NT5DC3: variants seen among roughly 807,000 people sequenced by gnomAD.
NT5DC3 encodes the protein 5'-nucleotidase domain-containing protein 3.
NT5DC3 carries 42 observed loss-of-function variants against 67.8 expected under a neutral mutation model. That is an observed-to-expected ratio of 0.62 (90% CI 0.48 to 0.80). The LOEUF is 0.80. Ranked by LOEUF, NT5DC3 falls within the 30% of genes least tolerant of loss-of-function variation. NT5DC3 has a pLI of 0.00. For missense variants in NT5DC3, 570 were observed against 696.4 expected (o/e 0.82, Z 2.04); for synonymous variants, 237 against 255.6 (o/e 0.93, Z 0.69).
chr12:103,746,490 C>G, the NT5DC3 span: 1 of 1,015,928 alleles, frequency 9.8e-7, no homozygotes, highest in Non-Finnish European at 1.5e-6. Context: ...TACAGGGGCA[C>G]TTATGAACAC....
At chr12:103,762,200 C>G in the NT5DC3 span, 6 of 1,584,282 alleles carry the variant, frequency 3.8e-6, no homozygotes, top group Non-Finnish European at 5.1e-6. Context: ...CAGAATGCCT[C>G]GGGCCACCAA....
Position 103,777,475 on chromosome 12 carries a change from C to T in NT5DC3, c.*354G>A. 4.1e-6 allele frequency: 1 copy of T among 243,642 alleles called. No individual in the cohort carries two copies. Among genetic ancestry groups the T allele is most frequent in the Non-Finnish European group, 7.9e-6 (1 of 125,970 alleles). The allele number at this position is 243,642 out of a possible 1,614,324, so 15.1% of individuals were successfully genotyped here. A position where few individuals can be genotyped will look rare whatever the true frequency, so the allele number is the denominator to read the frequency against. ...GCCCGTAAATGTTCAGGAAATGTTC[C>T]ATGGAGGAGTCAAGAACCGTTTCAA... On this transcript the variant is annotated 3_prime_UTR_variant, in exon 14 of 14. Coordinates refer to ENST00000392876, the MANE Select transcript of NT5DC3 (RefSeq NM_001031701.3).
At chr12:103,759,262 C>A in the NT5DC3 span, 1 of 1,614,076 alleles carries the variant, frequency 6.2e-7, no homozygotes, top group Non-Finnish European at 8.5e-7. Flanking sequence ...CAGCCAGGAC[C>A]CACTCCAACC....
intron 2 of NT5DC3, among the ~76,000 whole-genome samples, chr12:103,807,806 G>A (rs1013402930): frequency 6.6e-6 from 1 of 152,116 alleles, no homozygotes; most frequent in Non-Finnish European, 1.5e-5. Flanking sequence ...CACGAGATCT[G>A]ATGGTTTTAT....
intron 9 of NT5DC3, among the ~76,000 whole-genome samples, chr12:103,791,909 C>T (rs981386242): frequency 6.6e-6 from 1 of 152,210 alleles, no homozygotes; most frequent in Non-Finnish European, 1.5e-5. Context: ...CATCACCCTA[C>T]CCCCACAAAC....
downstream of NT5DC3, chr12:103,766,520 T>A: frequency 1.6e-6 from 1 of 629,100 alleles, no homozygotes; most frequent in Non-Finnish European, 2.7e-6. Flanking sequence ...GCCCACCCAG[T>A]ACAGCTTCCT....
At chr12:103,759,962 A>T in the NT5DC3 span, among the ~76,000 whole-genome samples, 2 of 152,254 alleles carry the variant, frequency 1.3e-5, no homozygotes, top group East Asian at 3.8e-4. Flanking sequence ...AATTGATCAA[A>T]TAAAGAGCTT....
At position 103,777,724 on chromosome 12, in the gene NT5DC3, G is replaced by T; in HGVS notation, c.*105C>A. The T allele has an allele frequency of 8.0e-7, 1 of 1,256,570 alleles. No homozygotes were observed. The highest frequency in any genetic ancestry group is 1.1e-6 in the Non-Finnish European group (1 of 899,766). The allele number at this position is 1,256,570 out of a possible 1,614,324, so 77.8% of individuals were successfully genotyped here. A position where few individuals can be genotyped will look rare whatever the true frequency, so the allele number is the denominator to read the frequency against. On this transcript the variant is annotated 3_prime_UTR_variant, in exon 14 of 14. Coordinates refer to ENST00000392876, the MANE Select transcript of NT5DC3 (RefSeq NM_001031701.3). Reference sequence around the variant, plus strand: ...TAAGGTACAAAATAAATATCAAAAGGCTTATCTGTATCTTTTCCAAAAGCA... The same window carrying T: ...TAAGGTACAAAATAAATATCAAAAGTCTTATCTGTATCTTTTCCAAAAGCA...
downstream of NT5DC3, among the ~76,000 whole-genome samples, chr12:103,771,835 T>C (rs1039964048): frequency 6.6e-6 from 1 of 152,186 alleles, no homozygotes; most frequent in Non-Finnish European, 1.5e-5. Flanking sequence ...AGCCCATATT[T>C]CAGGCAGAGG....
chr12:103,767,548 CTGTT>C (rs1212301893), downstream of NT5DC3, among the ~76,000 whole-genome samples: 3 of 152,222 alleles, frequency 2.0e-5, no homozygotes, highest in East Asian at 1.9e-4. Flanking sequence ...TCATGGTATG[CTGTT>C]TGTTAGTTAT....
the NT5DC3 span, among the ~76,000 whole-genome samples, chr12:103,752,806 A>G: frequency 6.6e-6 from 1 of 152,248 alleles, no homozygotes; most frequent in East Asian, 1.9e-4. Flanking sequence ...GCAGTATGCT[A>G]CCACATTTAG....
At chr12:103,750,942 A>G in the NT5DC3 span, among the ~76,000 whole-genome samples, 2 of 152,206 alleles carry the variant, frequency 1.3e-5, no homozygotes, top group Non-Finnish European at 2.9e-5. Flanking sequence ...AATACAAAAA[A>G]TCAGCCGGTT....
At chr12:103,835,086 C>G (rs527960413) in intron 1 of NT5DC3, among the ~76,000 whole-genome samples, 19 of 152,304 alleles carry the variant, frequency 1.2e-4, no homozygotes, top group African/African-American at 3.9e-4. Context: ...GAATCCTCAT[C>G]CATGCAACAC....
intron 6 of NT5DC3, 151 bp from the exon 7 acceptor site, chr12:103,794,148 C>CTTTTTTTTTT (rs766607290): frequency 4.3e-6 from 2 of 462,632 alleles, no homozygotes; most frequent in African/African-American, 2.1e-5. Flanking sequence ...CCATTTTCTT[C>CTTTTTTTTTT]TTCTTTTTTT....
chr12:103,758,164 C>T, the NT5DC3 span: 1 of 1,613,982 alleles, frequency 6.2e-7, no homozygotes, highest in Non-Finnish European at 8.5e-7. Context: ...TCCTTCTTCT[C>T]CCCAGGAAGT....
chr12:103,825,695 A>G (rs1887664593), intron 1 of NT5DC3, among the ~76,000 whole-genome samples: 1 of 152,248 alleles, frequency 6.6e-6, no homozygotes, highest in Non-Finnish European at 1.5e-5. Context: ...GGATCCCTTG[A>G]GCCCAGGAGT....
the NT5DC3 span, among the ~76,000 whole-genome samples, chr12:103,757,035 T>C: frequency 1.2e-4 from 17 of 138,544 alleles, 1 homozygote; most frequent in South Asian, 3.8e-3. Flanking sequence ...ATATATAAAA[T>C]ATATATATTA....
the NT5DC3 span, among the ~76,000 whole-genome samples, chr12:103,756,222 G>A: frequency 2.0e-5 from 3 of 152,154 alleles, no homozygotes; most frequent in Admixed American, 6.5e-5. Flanking sequence ...TTAAAGTCAC[G>A]TCAATATTCT....
chr12:103,839,295 G>A (rs545246115), intron 1 of NT5DC3, among the ~76,000 whole-genome samples: 1 of 152,256 alleles, frequency 6.6e-6, no homozygotes, highest in East Asian at 1.9e-4. Flanking sequence ...CAACCAGGCC[G>A]GAGTACAGTG....
Sources: gnomAD v4.1 joint callset for allele counts (sites outside exome capture counted in the v4.1 genomes callset) on GRCh38, gnomAD v4.1.1 for gene constraint, MANE v1.5 for transcripts, NCBI Gene and HGNC (gene_info 2026-07-23, HGNC 2026-07-21) for gene names.